ATP1B1: variants seen among roughly 807,000 people sequenced by gnomAD.
ATP1B1 encodes sodium/potassium-transporting ATPase subunit beta-1.
In ATP1B1, 3 loss-of-function variants were observed where a neutral mutation model predicts 39.6. That is an observed-to-expected ratio of 0.08 (90% CI 0.03 to 0.20). ATP1B1 has a LOEUF of 0.20. Among genes scored for constraint, ATP1B1 ranks in the 10% least tolerant of loss-of-function variants. The pLI, the probability that ATP1B1 is intolerant of heterozygous loss-of-function variation, is 1.00. For missense variants in ATP1B1, 216 were observed against 371.1 expected (o/e 0.58, Z 3.43); for synonymous variants, 139 against 135.0 (o/e 1.03, Z -0.20).
At chr1:169,112,470 G>A (rs975114435) in intron 2 of ATP1B1, among the ~76,000 whole-genome samples, 1 of 152,230 alleles carries the variant, frequency 6.6e-6, no homozygotes, top group Non-Finnish European at 1.5e-5. Context: ...CTGAGGGATG[G>A]CAATGACTTG....
intron 3 of ATP1B1, among the ~76,000 whole-genome samples, chr1:169,126,951 T>G (rs966921492): frequency 6.6e-6 from 1 of 152,214 alleles, no homozygotes; most frequent in Non-Finnish European, 1.5e-5. Flanking sequence ...AAGGGAAATA[T>G]TGCCAGAGAC....
chr1:169,117,079 T>C (rs1347153987), intron 2 of ATP1B1, among the ~76,000 whole-genome samples: 1 of 152,326 alleles, frequency 6.6e-6, no homozygotes, highest in African/African-American at 2.4e-5. Context: ...TTCCTTATAC[T>C]TTGGAGGGGT....
At chr1:169,119,204 T>C (rs1049345356) in intron 2 of ATP1B1, among the ~76,000 whole-genome samples, 9 of 152,222 alleles carry the variant, frequency 5.9e-5, no homozygotes, top group African/African-American at 1.4e-4. Flanking sequence ...CTAAATCTTA[T>C]GTAAAGTTGA....
At position 169,132,070 on chromosome 1, in the gene ATP1B1, C is replaced by G; in HGVS notation, c.*515C>G. ...TTTTGGCTCTTTCAAAGGTAATGGC[C>G]CATCGATGAGCATTTTTAACATACT... is the stretch of plus-strand genomic sequence containing the variant. On this transcript the variant is annotated 3_prime_UTR_variant, in exon 6 of 6. Coordinates refer to ENST00000367815, the MANE Select transcript of ATP1B1 (RefSeq NM_001677.4). 1 of 332,354 alleles carries G rather than the reference C, an allele frequency of 3.0e-6. No homozygotes were observed. The highest frequency in any genetic ancestry group is 2.7e-5 in the South Asian group (1 of 37,418). 20.6% of individuals were successfully genotyped at this position (332,354 alleles called of 1,614,324 possible). A position where few individuals can be genotyped will look rare whatever the true frequency, so the allele number is the denominator to read the frequency against.
intron 2 of ATP1B1, among the ~76,000 whole-genome samples, chr1:169,117,416 C>T (rs1182701018): frequency 6.6e-6 from 1 of 152,202 alleles, no homozygotes; most frequent in African/African-American, 2.4e-5. Context: ...AGTAAGTCAT[C>T]TCTTGGGTAC....
chr1:169,107,131 G>A (rs1657612657), intron 1 of ATP1B1, among the ~76,000 whole-genome samples: 1 of 152,196 alleles, frequency 6.6e-6, no homozygotes, highest in South Asian at 2.1e-4. Context: ...GCGCAGGGTC[G>A]GGGCTGGAAC....
intron 2 of ATP1B1, among the ~76,000 whole-genome samples, chr1:169,117,580 A>AAAAAAAAGCTGGATTTG (rs1657879269): frequency 6.6e-6 from 1 of 152,094 alleles, no homozygotes; most frequent in Admixed American, 6.5e-5. Flanking sequence ...GGTGGGGGAA[A>AAAAAAAAGCTGGATTTG]AAAAAAAGCT....
intron 2 of ATP1B1, among the ~76,000 whole-genome samples, chr1:169,122,992 G>A (rs1658012042): frequency 6.6e-6 from 1 of 151,836 alleles, no homozygotes; most frequent in South Asian, 2.1e-4. Context: ...ATTCCTCTAG[G>A]GAACTACATG....
At chr1:169,111,181 T>C (rs1224315710) in intron 1 of ATP1B1, among the ~76,000 whole-genome samples, 189 bp from the exon 2 acceptor site, 3 of 152,176 alleles carry the variant, frequency 2.0e-5, no homozygotes, top group African/African-American at 7.2e-5. Flanking sequence ...ACACTGCAAG[T>C]GGAGGGCTGC....
chr1:169,124,937 G>A lies in ATP1B1; in HGVS notation c.280G>A (p.Asp94Asn). 1 of 1,614,000 alleles carries A rather than the reference G, an allele frequency of 6.2e-7. No individual in the cohort carries two copies. The highest frequency in any genetic ancestry group is 1.3e-5 in the African/African-American group (1 of 75,030). ...QKTEISFRPN[D>N]PKSYEAYVLN... is the part of the protein sequence containing the mutation. ...GACTGAAATTTCCTTTCGTCCTAAT[G>A]ATCCCAAGAGCTATGAGGCATATGT... The change falls in exon 3 of 6, where the codon GAT becomes AAT. Residue 94 changes from aspartate (D) to asparagine (N), a missense_variant. By Grantham distance (23) the Asp-to-Asn change is conservative. Transcript: ENST00000367815.
At chr1:169,119,221 C>T (rs949840578) in intron 2 of ATP1B1, among the ~76,000 whole-genome samples, 1 of 152,170 alleles carries the variant, frequency 6.6e-6, no homozygotes, top group Non-Finnish European at 1.5e-5. Flanking sequence ...TTGAAATACT[C>T]ATTGAAAACC....
intron 2 of ATP1B1, among the ~76,000 whole-genome samples, chr1:169,124,584 C>A (rs1043810047): frequency 6.6e-6 from 1 of 152,198 alleles, no homozygotes; most frequent in African/African-American, 2.4e-5. Flanking sequence ...ACTTTCTGTG[C>A]AGCCTTGGCC....
At chr1:169,110,586 T>TTTTTTTTTTTA in intron 1 of ATP1B1, 1 of 898,572 alleles carries the variant, frequency 1.1e-6, no homozygotes, top group Non-Finnish European at 1.4e-6. Flanking sequence ...TTTTTTTTTT[T>TTTTTTTTTTTA]GCTTTTGCAG....
chr1:169,122,952 T>C (rs559763545), intron 2 of ATP1B1, among the ~76,000 whole-genome samples: 126 of 152,240 alleles, frequency 8.3e-4, no homozygotes, highest in Admixed American at 1.7e-3. Flanking sequence ...CTTGCTCCAG[T>C]GATTACTTGT....
At chr1:169,107,535 C>T (rs1245472943) in intron 1 of ATP1B1, among the ~76,000 whole-genome samples, 1 of 152,110 alleles carries the variant, frequency 6.6e-6, no homozygotes. Flanking sequence ...CATTTCAGGA[C>T]TCCGATTCTT....
intron 2 of ATP1B1, among the ~76,000 whole-genome samples, chr1:169,115,203 A>G (rs148390238): frequency 1.6e-5 from 2 of 127,730 alleles, no homozygotes; most frequent in African/African-American, 5.0e-5. Context: ...AAAAAAAGAA[A>G]AAAAAGGGGG....
At chr1:169,129,142 C>T (rs997277530) in intron 4 of ATP1B1, among the ~76,000 whole-genome samples, 2 of 152,156 alleles carry the variant, frequency 1.3e-5, no homozygotes, top group African/African-American at 4.8e-5. Context: ...TTTCTTGCAT[C>T]CAAAACAGAG....
At chr1:169,106,997 G>A in intron 1 of ATP1B1, 71 bp downstream of exon 1, 1 of 1,432,668 alleles carries the variant, frequency 7.0e-7, no homozygotes, top group Non-Finnish European at 9.4e-7. Flanking sequence ...CCTGCGCAGG[G>A]TCCGCGGCCG....
Position 169,123,212 on chromosome 1 carries a change from G to C in ATP1B1, c.227-1672G>C, listed in dbSNP as rs12134211. Among the ~76,000 whole-genome samples, 324 of 152,296 alleles carry C rather than the reference G, an allele frequency of 2.1e-3. 1 individual carries two copies. Among genetic ancestry groups the C allele is most frequent in the African/African-American group, 7.3e-3 (303 of 41,562 alleles). ...ATCTGAGTCACTGTTGCCACTCTCA[G>C]ATTATAATTCCCTAGAGAAGCAGTT... On this transcript the variant is annotated intron_variant, in intron 2 of 5. Transcript: ENST00000367815.
Sources: gnomAD v4.1 joint callset for allele counts (sites outside exome capture counted in the v4.1 genomes callset) on GRCh38, gnomAD v4.1.1 for gene constraint, MANE v1.5 for transcripts, NCBI Gene and HGNC (gene_info 2026-07-23, HGNC 2026-07-21) for gene names.